Variants in VPS16 observed in about 807,000 individuals in gnomAD.
VPS16 encodes the protein vacuolar protein sorting-associated protein 16 homolog.
VPS16 carries 82 observed loss-of-function variants against 116.0 expected under a neutral mutation model. That is an observed-to-expected ratio of 0.71 (90% confidence interval 0.59 to 0.85). The LOEUF (loss-of-function observed/expected upper bound fraction) is 0.85, where lower values mean the gene tolerates loss of function less well. Among genes scored for constraint, VPS16 ranks in the 40% least tolerant of loss-of-function variants. The probability of loss-of-function intolerance (pLI) is 0.00; values close to 1 mark genes in which losing one functional copy is unlikely to be tolerated. For missense variants in VPS16, 928 were observed against 1,090.6 expected, an observed-to-expected ratio of 0.85 and a Z score of 2.10; for synonymous variants, 406 against 420.7, an observed-to-expected ratio of 0.96 and a Z score of 0.43.
intron 1 of VPS16, among the ~76,000 whole-genome samples, chr20:2,853,775 C>T (rs772164577): frequency 9.2e-5 from 14 of 152,066 alleles, no homozygotes; most frequent in Middle Eastern, 3.2e-3. Flanking sequence ...CGGGTTCAAG[C>T]GATTCTCCTG....
At chr20:2,846,185 C>T (rs764107243) in intron 1 of VPS16, among the ~76,000 whole-genome samples, 4 of 142,280 alleles carry the variant, frequency 2.8e-5, no homozygotes, top group Non-Finnish European at 4.5e-5. Context: ...GGCGCGATCT[C>T]AGCTCACTGC....
chr20:2,863,835 A>AAGAT lies in VPS16; in HGVS notation c.1477-111_1477-110insTAGA. On this transcript the variant is annotated intron_variant, in intron 15 of 23. Coordinates refer to ENST00000380445, the MANE Select transcript of VPS16 (RefSeq NM_022575.4). The surrounding 1 kb of genome is among the most constrained non-coding windows in gnomAD (Gnocchi z 4.4). ...GAAAGAAGAAAGAGAGAAAGAAAGA[A>AAGAT]AGAAGAAGGAAGGGAGGGAGGAAGG... 1 of 1,410,220 alleles carries AAGAT rather than the reference A, an allele frequency of 7.1e-7. No homozygotes were observed. The allele number at this position is 1,410,220 out of a possible 1,614,324, so 87.4% of individuals were successfully genotyped here.
intron 1 of VPS16, among the ~76,000 whole-genome samples, chr20:2,847,752 C>T (rs1455437040): frequency 6.6e-6 from 1 of 152,136 alleles, no homozygotes; most frequent in African/African-American, 2.4e-5. Flanking sequence ...GCTAGGATTA[C>T]AGGCGTGAGC....
At chr20:2,854,229 C>T (rs2089148989) in intron 1 of VPS16, among the ~76,000 whole-genome samples, 1 of 83,814 alleles carries the variant, frequency 1.2e-5, no homozygotes, top group Admixed American at 1.2e-4. Context: ...GCAACAGAGA[C>T]CCCGTCTCTA....
chr20:2,852,067 G>A (rs2089128081), intron 1 of VPS16, among the ~76,000 whole-genome samples: 1 of 152,222 alleles, frequency 6.6e-6, no homozygotes, highest in Admixed American at 6.5e-5. Context: ...TCTTGGTATA[G>A]AGAGGAAGTG....
intron 2 of VPS16, 34 bp downstream of exon 2, chr20:2,859,841 A>G (rs2089208265): frequency 6.3e-7 from 1 of 1,593,354 alleles, no homozygotes; most frequent in Non-Finnish European, 8.5e-7. Flanking sequence ...CTGCTCTGGG[A>G]CCCTGGGATG....
chr20:2,844,556 C>T (rs565233617), intron 1 of VPS16, among the ~76,000 whole-genome samples: 1 of 152,298 alleles, frequency 6.6e-6, no homozygotes, highest in Admixed American at 6.5e-5. Flanking sequence ...TGCCTGCCAT[C>T]ATAGAGCTTA....
intron 1 of VPS16, among the ~76,000 whole-genome samples, chr20:2,854,156 A>C (rs2875808): frequency 0.52 from 78,575 of 151,312 alleles, 23,588 homozygotes; most frequent in African/African-American, 0.82. Flanking sequence ...CACCTGTAAG[A>C]CCAGCACTTT....
chr20:2,854,238 T>TACACACACACACACACACACACACAC lies in VPS16; in HGVS notation c.54-5479_54-5454dup, dbSNP rs150363426. On this transcript the variant is annotated intron_variant, in intron 1 of 23. Coordinates refer to ENST00000380445, the MANE Select transcript of VPS16 (RefSeq NM_022575.4). The stretch of plus-strand genomic sequence containing the variant: ...AGCCTGGCAACAGAGACCCCGTCTC[T>TACACACACACACACACACACACACAC]ACACACACACACACACACACACACA... Among the ~76,000 whole-genome samples the TACACACACACACACACACACACACAC allele has an allele frequency of 8.9e-3, 1,249 of 139,854 alleles. 16 individuals carry two copies. The highest frequency in any genetic ancestry group is 0.017 in the African/African-American group (597 of 35,256). 91.7% of individuals were successfully genotyped at this position (139,854 alleles called of 152,430 possible).
chr20:2,865,789 G>A lies in VPS16; in HGVS notation c.2271+294G>A. The A allele has an allele frequency of 4.0e-6, 2 of 496,794 alleles. No homozygotes were observed. Among genetic ancestry groups the A allele is most frequent in the African/African-American group, 1.9e-5 (1 of 51,722 alleles). The allele number at this position is 496,794 out of a possible 1,614,324, so 30.8% of individuals were successfully genotyped here. On this transcript the variant is annotated intron_variant, in intron 22 of 23. Coordinates refer to ENST00000380445, the MANE Select transcript of VPS16 (RefSeq NM_022575.4). The surrounding 1 kb of genome is among the most constrained non-coding windows in gnomAD (Gnocchi z 5.2). Reference sequence around the variant, plus strand: ...TAGAGGGAAAGTCTTGTCTGAGGAGGGTGGAGGGGGCACAGGGAGGGTGCA... The same window carrying A: ...TAGAGGGAAAGTCTTGTCTGAGGAGAGTGGAGGGGGCACAGGGAGGGTGCA...
intron 1 of VPS16, among the ~76,000 whole-genome samples, chr20:2,848,826 AC>A (rs1360783457): frequency 6.6e-6 from 1 of 152,220 alleles, no homozygotes; most frequent in African/African-American, 2.4e-5. Flanking sequence ...AGGCAAATCC[AC>A]ATTCAGAATA....
chr20:2,850,311 C>A (rs919079613), intron 1 of VPS16, among the ~76,000 whole-genome samples: 1 of 144,288 alleles, frequency 6.9e-6, no homozygotes, highest in Admixed American at 6.8e-5. Flanking sequence ...GCAACAAGAG[C>A]GAAACTCTGT....
intron 8 of VPS16, 148 bp from the exon 9 acceptor site, chr20:2,861,467 C>A: frequency 7.5e-7 from 1 of 1,336,396 alleles, no homozygotes; most frequent in Non-Finnish European, 1.0e-6. Context: ...GAGCTGAGAG[C>A]TCAGGGATAA....
Position 2,864,633 on chromosome 20 carries a change from A to G in VPS16, c.1905A>G (p.Arg635=). 1.2e-6 allele frequency: 2 copies of G among 1,614,038 alleles called. No homozygotes were observed. The highest frequency in any genetic ancestry group is 3.3e-5 in the Admixed American group (2 of 60,014). The part of the protein sequence containing the change: ...NHQELGSFHI[R]ASYAAEERIE... ...AGGAATTGGGCAGCTTCCACATCCG[A>G]GCCAGCTATGCTGCAGAAGAGGTCT... Residue 635 remains arginine (R), a synonymous_variant, in exon 19 of 24, where the codon CGA becomes CGG. Coordinates refer to ENST00000380445, the MANE Select transcript of VPS16 (RefSeq NM_022575.4). The surrounding 1 kb of genome is among the most constrained non-coding windows in gnomAD (Gnocchi z 5.2).
At chr20:2,844,008 A>T (rs555699134) in intron 1 of VPS16, among the ~76,000 whole-genome samples, 12 of 152,302 alleles carry the variant, frequency 7.9e-5, no homozygotes, top group South Asian at 4.1e-4. Flanking sequence ...CATCTTACTG[A>T]TGAGGAAGCC....
intron 1 of VPS16, among the ~76,000 whole-genome samples, chr20:2,844,373 C>T (rs942055574): frequency 6.6e-6 from 1 of 152,118 alleles, no homozygotes; most frequent in Admixed American, 6.6e-5. Context: ...TCTGGAGAAC[C>T]CACTCAATTT....
At chr20:2,847,503 G>A (rs1378021882) in intron 1 of VPS16, among the ~76,000 whole-genome samples, 2 of 143,444 alleles carry the variant, frequency 1.4e-5, no homozygotes, top group Non-Finnish European at 3.0e-5. Flanking sequence ...TTTTTAAGAC[G>A]GACTCTTGCT....
chr20:2,845,007 G>GGTGTGTGTGTGTGTGTGT (rs375923174), intron 1 of VPS16, among the ~76,000 whole-genome samples: 3 of 144,014 alleles, frequency 2.1e-5, no homozygotes, highest in Non-Finnish European at 3.0e-5. Flanking sequence ...ATTTGCAAGG[G>GGTGTGTGTGTGTGTGTGT]GTGTGTGTGT....
chr20:2,865,785 G>C lies in VPS16; in HGVS notation c.2271+290G>C, dbSNP rs1356552203. 2.0e-6 allele frequency: 1 copy of C among 496,694 alleles called. No individual in the cohort carries two copies. The highest frequency in any genetic ancestry group is 1.9e-5 in the African/African-American group (1 of 51,594). 30.8% of individuals were successfully genotyped at this position (496,694 alleles called of 1,614,324 possible). ...GTGCTAGAGGGAAAGTCTTGTCTGA[G>C]GAGGGTGGAGGGGGCACAGGGAGGG... On this transcript the variant is annotated intron_variant, in intron 22 of 23. Coordinates refer to ENST00000380445, the MANE Select transcript of VPS16 (RefSeq NM_022575.4). This position sits in a 1 kb window ranked among gnomAD's most constrained non-coding sequence, Gnocchi z 5.2.
Sources: gnomAD v4.1 joint callset for allele counts (sites outside exome capture counted in the v4.1 genomes callset) on GRCh38, gnomAD v4.1.1 for gene constraint, Gnocchi (gnomAD v3.1) non-coding constraint, MANE v1.5 for transcripts, NCBI Gene and HGNC (gene_info 2026-07-23, HGNC 2026-07-21) for gene names.